The following PTGR2 variants were observed in gnomAD, a reference collection of about 807,000 sequenced individuals.
The protein encoded by PTGR2 is 15-oxoprostaglandin 13-reductase.
A neutral mutation model predicts 43.4 loss-of-function variants in PTGR2; 32 were observed. The observed-to-expected ratio is 0.74, with a 90% CI of 0.56 to 0.99. PTGR2 has a LOEUF of 0.99. Ranked by LOEUF, PTGR2 falls within the 50% of genes least tolerant of loss-of-function variation. PTGR2 has a pLI of 0.00. For synonymous variants in PTGR2, 106 were observed against 139.2 expected (o/e 0.76, Z 1.68); for missense variants, 373 against 420.0 (o/e 0.89, Z 0.98).
At chr14:73,854,365 G>A (rs1047643952) in intron 1 of PTGR2, among the ~76,000 whole-genome samples, 1 of 152,114 alleles carries the variant, frequency 6.6e-6, no homozygotes, top group African/African-American at 2.4e-5. Flanking sequence ...GCCTCCCAAA[G>A]TGCTAGGATT....
intron 8 of PTGR2, among the ~76,000 whole-genome samples, chr14:73,881,738 A>C (rs1032416568): frequency 7.0e-6 from 1 of 143,796 alleles, no homozygotes; most frequent in African/African-American, 2.6e-5. Context: ...AGGAGTTATT[A>C]ATCTGGGCTT....
intron 1 of PTGR2, among the ~76,000 whole-genome samples, chr14:73,854,408 T>C (rs891805701): frequency 2.6e-5 from 4 of 152,214 alleles, no homozygotes; most frequent in Non-Finnish European, 5.9e-5. Flanking sequence ...AGCCAAGTTA[T>C]CTATATTTGA....
Position 73,884,407 on chromosome 14 carries a change from C to CTTTTAATTAATT in PTGR2, c.*232_*233insTTAATTAATTTT, listed in dbSNP as rs2055077224. On this transcript the variant is annotated 3_prime_UTR_variant, in exon 10 of 10. Coordinates refer to ENST00000555661, the MANE Select transcript of PTGR2 (RefSeq NM_001146154.2). ...ACTTTTATTAATTTAAAATAGAACGCTTGAGAGGCACTTTGTAAAGATTTG... is the reference window on the plus strand; with the variant it reads ...ACTTTTATTAATTTAAAATAGAACGCTTTTAATTAATTTTGAGAGGCACTTTGTAAAGATTTG... 1 of 303,916 alleles carries CTTTTAATTAATT rather than the reference C, an allele frequency of 3.3e-6. No homozygotes were observed. The highest frequency in any genetic ancestry group is 5.9e-6 in the Non-Finnish European group (1 of 169,536). The allele number at this position is 303,916 out of a possible 1,614,324, so 18.8% of individuals were successfully genotyped here.
At chr14:73,860,972 A>C (rs572378235) in intron 3 of PTGR2, 20 of 167,766 alleles carry the variant, frequency 1.2e-4, no homozygotes, top group African/African-American at 4.5e-4. Context: ...GCTTTAAGAT[A>C]GTAAAATAAG....
rs2054949503 is a variant in PTGR2, at chr14:73,880,179, G to A, written c.851+3G>A. ...CAGAAAGAAAGAAACATCACAAGGT[G>A]TGTTCTTCCTCTTTGCCCTTATTAC... On this transcript the variant is annotated splice_donor_region_variant and intron_variant, in intron 7 of 9. Coordinates refer to ENST00000555661, the MANE Select transcript of PTGR2 (RefSeq NM_001146154.2). 1 of 1,613,540 alleles carries A rather than the reference G, an allele frequency of 6.2e-7. No homozygotes were observed. Among genetic ancestry groups the A allele is most frequent in the Admixed American group, 1.7e-5 (1 of 59,992 alleles).
At chr14:73,861,406 A>G (rs570532649) in intron 3 of PTGR2, 2 of 152,274 alleles carry the variant, frequency 1.3e-5, no homozygotes, top group Admixed American at 1.3e-4. Flanking sequence ...TCCTATGGCC[A>G]TGACAAGCAT....
At chr14:73,872,224 A>C (rs1186422473) in intron 3 of PTGR2, among the ~76,000 whole-genome samples, 1 of 152,150 alleles carries the variant, frequency 6.6e-6, no homozygotes, top group Non-Finnish European at 1.5e-5. Flanking sequence ...AGGGGTGAAG[A>C]GAGCACTTAT....
At chr14:73,858,026 ATGT>A (rs1246810127) in intron 1 of PTGR2, 2 of 151,902 alleles carry the variant, frequency 1.3e-5, no homozygotes, top group Admixed American at 6.6e-5. Context: ...GGAATATATC[ATGT>A]TGTTTGTTTT....
At chr14:73,866,507 C>T (rs1365314449) in intron 3 of PTGR2, among the ~76,000 whole-genome samples, 2 of 152,072 alleles carry the variant, frequency 1.3e-5, no homozygotes, top group Non-Finnish European at 2.9e-5. Flanking sequence ...TTAGAACCAG[C>T]TTGTCAGTTT....
intron 4 of PTGR2, among the ~76,000 whole-genome samples, chr14:73,875,843 A>C (rs1416420697): frequency 1.2e-5 from 1 of 86,680 alleles, no homozygotes; most frequent in Non-Finnish European, 2.3e-5. Flanking sequence ...TTTTTTTGAG[A>C]TGGAGTCTTG....
chr14:73,879,388 T>C, intron 6 of PTGR2, 83 bp downstream of exon 6: 1 of 1,232,292 alleles, frequency 8.1e-7, no homozygotes, highest in Non-Finnish European at 1.2e-6. Context: ...GAGAAAAAAA[T>C]TTATAAAATT....
chr14:73,863,500 AC>A (rs2054539073), intron 3 of PTGR2, among the ~76,000 whole-genome samples: 1 of 152,162 alleles, frequency 6.6e-6, no homozygotes, highest in Admixed American at 6.6e-5. Flanking sequence ...TTTTAAAAAA[AC>A]ATTTTAAAAT....
intron 4 of PTGR2, among the ~76,000 whole-genome samples, chr14:73,875,784 A>T (rs1273841898): frequency 1.1e-3 from 102 of 92,578 alleles, no homozygotes; most frequent in Non-Finnish European, 1.4e-3. Flanking sequence ...AAGAAAGAAT[A>T]TTTTGTCTCT....
chr14:73,862,205 GTTGT>G (rs1310536094), intron 3 of PTGR2, among the ~76,000 whole-genome samples: 11 of 148,066 alleles, frequency 7.4e-5, no homozygotes, highest in African/African-American at 2.0e-4. Context: ...TTTTGTTGTT[GTTGT>G]TTGTTTGTTT....
Position 73,874,052 on chromosome 14 carries a change from T to G in PTGR2, c.186T>G (p.Thr62=). ...GTAGAATGAATGAAGACACTGGCACTGATTATATAACACCTTGGCAGCTAT... is the reference window on the plus strand; with the variant it reads ...GTAGAATGAATGAAGACACTGGCACGGATTATATAACACCTTGGCAGCTAT... ...MRCRMNEDTG[T]DYITPWQLSQ... is the part of the protein sequence containing the mutation. Residue 62 remains threonine (T), a synonymous_variant, in exon 4 of 10, where the codon ACT becomes ACG. Coordinates refer to ENST00000555661, the MANE Select transcript of PTGR2 (RefSeq NM_001146154.2). 1.9e-6 allele frequency: 3 copies of G among 1,610,576 alleles called. No individual in the cohort carries two copies. The highest frequency in any genetic ancestry group is 2.5e-6 in the Non-Finnish European group (3 of 1,178,950).
chr14:73,875,605 A>G (rs1003772264), intron 4 of PTGR2, among the ~76,000 whole-genome samples: 4 of 152,086 alleles, frequency 2.6e-5, no homozygotes, highest in Non-Finnish European at 4.4e-5. Flanking sequence ...TGGCCTCCCA[A>G]AGTGCTGGGA....
At chr14:73,852,103 C>T (rs933709122) in intron 1 of PTGR2, 160 bp downstream of exon 1, 3 of 152,262 alleles carry the variant, frequency 2.0e-5, no homozygotes, top group Admixed American at 1.3e-4. Flanking sequence ...ATAGGGAATG[C>T]TCGAGAAACA....
In PTGR2 at chr14:73,860,030, G is replaced by A. The variant is rs1016367007; in HGVS notation, c.38-509G>A. ...CGCCTGGCTAGTTTTTGTATTTTTG[G>A]TAGAATCAAGGTTTCACCATGTTGG... On this transcript the variant is annotated intron_variant, in intron 2 of 9. Coordinates refer to ENST00000555661, the MANE Select transcript of PTGR2 (RefSeq NM_001146154.2). Among the ~76,000 whole-genome samples the A allele has an allele frequency of 5.3e-5, 8 of 151,422 alleles. 1 individual carries two copies. Among genetic ancestry groups the A allele is most frequent in the African/African-American group, 1.9e-4 (8 of 41,140 alleles).
intron 1 of PTGR2, among the ~76,000 whole-genome samples, chr14:73,853,956 G>A (rs1263736226): frequency 6.6e-6 from 1 of 152,030 alleles, no homozygotes; most frequent in Non-Finnish European, 1.5e-5. Context: ...TAGTATCCCA[G>A]GCAAATAGGA....
Sources: gnomAD v4.1 joint callset for allele counts (sites outside exome capture counted in the v4.1 genomes callset) on GRCh38, gnomAD v4.1.1 for gene constraint, MANE v1.5 for transcripts, NCBI Gene and HGNC (gene_info 2026-07-23, HGNC 2026-07-21) for gene names.